Variants in HEPHL1 observed in about 807,000 individuals in gnomAD.
HEPHL1 encodes the protein hephaestin like 1.
HEPHL1 carries 123 observed loss-of-function variants against 122.0 expected under a neutral mutation model. The observed-to-expected ratio is 1.01, with a 90% CI of 0.87 to 1.17. The LOEUF is 1.17. HEPHL1 is among the 50% of genes most tolerant of loss of function. The pLI is 0.00. For synonymous variants in HEPHL1, 527 were observed against 508.9 expected (o/e 1.04, Z -0.48); for missense variants, 1,452 against 1,430.5 (o/e 1.01, Z -0.24).
chr11:94,082,910 G>A (rs1475920738), intron 10 of HEPHL1, among the ~76,000 whole-genome samples: 1 of 152,028 alleles, frequency 6.6e-6, no homozygotes, highest in East Asian at 1.9e-4. Flanking sequence ...CCAATATGGT[G>A]AAACCCCGTC....
chr11:94,077,825 G>T (rs1946138740), intron 9 of HEPHL1, among the ~76,000 whole-genome samples: 1 of 152,146 alleles, frequency 6.6e-6, no homozygotes, highest in South Asian at 2.1e-4. Context: ...GCTTGTCTTT[G>T]GCTTTGGGCC....
chr11:94,075,093 A>G (rs1946108895), intron 8 of HEPHL1, 81 bp from the exon 9 acceptor site: 1 of 1,220,366 alleles, frequency 8.2e-7, no homozygotes, highest in South Asian at 1.4e-5. Context: ...AGAGGGAGGC[A>G]CCCAGGGCTG....
intron 10 of HEPHL1, 139 bp from the exon 11 acceptor site, chr11:94,085,838 A>G (rs906834575): frequency 3.2e-6 from 2 of 615,594 alleles, no homozygotes; most frequent in Non-Finnish European, 5.8e-6. Context: ...CTCCATTTTA[A>G]GTGGATTCAC....
intron 17 of HEPHL1, among the ~76,000 whole-genome samples, chr11:94,107,674 A>G (rs2134455070): frequency 6.6e-6 from 1 of 152,356 alleles, no homozygotes; most frequent in South Asian, 2.1e-4. Context: ...GTTTGATTTA[A>G]CATAGGCATT....
chr11:94,032,759 A>C (rs530219550), intron 1 of HEPHL1, among the ~76,000 whole-genome samples: 6 of 152,274 alleles, frequency 3.9e-5, no homozygotes, highest in African/African-American at 1.4e-4. Flanking sequence ...CAGTCTCCCT[A>C]TAGATAGAAA....
rs570515534 is a variant in HEPHL1 at position 94,093,764 on chromosome 11, C to T, written c.2434+124C>T. The T allele has an allele frequency of 9.2e-6, 10 of 1,088,160 alleles. No individual in the cohort carries two copies. In the South Asian group the frequency reaches 1.3e-4, roughly 15 times the overall value. 67.4% of individuals were successfully genotyped at this position (1,088,160 alleles called of 1,614,324 possible). On this transcript the variant is annotated intron_variant, in intron 13 of 19. Transcript: ENST00000315765. ...GAAACAGAGTAGCTTGACTGCATTC[C>T]TCCAAGTGTAATATCTTCCTGCTCT...
intron 1 of HEPHL1, among the ~76,000 whole-genome samples, chr11:94,022,130 C>T (rs978515132): frequency 1.3e-5 from 2 of 152,150 alleles, no homozygotes; most frequent in African/African-American, 4.8e-5. Flanking sequence ...TATCTTATCC[C>T]AGAACCTATA....
chr11:94,035,999 G>A (rs928002875), intron 1 of HEPHL1, among the ~76,000 whole-genome samples: 4 of 152,204 alleles, frequency 2.6e-5, no homozygotes, highest in Non-Finnish European at 4.4e-5. Context: ...GCCTCCCAAA[G>A]TGCTGGGATT....
chr11:94,039,566 C>A (rs1336433514), intron 1 of HEPHL1, among the ~76,000 whole-genome samples: 4 of 151,698 alleles, frequency 2.6e-5, no homozygotes, highest in Non-Finnish European at 1.5e-5. Flanking sequence ...GATTAAGAAT[C>A]TCACTCAAAG....
At chr11:94,088,551 C>T (rs1946236562) in intron 11 of HEPHL1, among the ~76,000 whole-genome samples, 1 of 152,124 alleles carries the variant, frequency 6.6e-6, no homozygotes, top group Admixed American at 6.5e-5. Flanking sequence ...GAATTTTGGA[C>T]AGTATCTTTC....
intron 12 of HEPHL1, among the ~76,000 whole-genome samples, chr11:94,092,259 G>C (rs191908408): frequency 6.6e-6 from 1 of 152,330 alleles, no homozygotes; most frequent in South Asian, 2.1e-4. Flanking sequence ...CTTGGTAATA[G>C]ATGAAATGTA....
rs915209449 is a variant in HEPHL1 at position 94,061,684 on chromosome 11, T to C, written c.416-1824T>C. 3.3e-5 allele frequency among the ~76,000 whole-genome samples: 5 copies of C among 152,288 alleles called. No homozygotes were observed. In the East Asian group the frequency reaches 7.7e-4, roughly 23 times the overall value. ...TTAATTTAACTTTGAGTACAAATGA[T>C]TCTGTCAAAATACTATTGAGTATTA... On this transcript the variant is annotated intron_variant, in intron 2 of 19. Transcript: ENST00000315765.
At position 94,045,873 on chromosome 11, in the gene HEPHL1, A is replaced by ACT; in HGVS notation, c.376_377dup (p.His127CysfsTer43). On this transcript the variant is annotated frameshift_variant, in exon 2 of 20. Coordinates refer to ENST00000315765, the MANE Select transcript of HEPHL1 (RefSeq NM_001098672.2). LOFTEE classifies it high-confidence loss of function. ...TTAAAGAACTTTGCTTCTCGACCTT[A>ACT]CTCTCTGCATCCACATGGCGTTTTC... 1 of 1,613,634 alleles carries ACT rather than the reference A, an allele frequency of 6.2e-7. No individual in the cohort carries two copies. Among genetic ancestry groups the ACT allele is most frequent in the East Asian group, 2.2e-5 (1 of 44,862 alleles).
At chr11:94,091,383 G>A (rs1418799548) in intron 12 of HEPHL1, among the ~76,000 whole-genome samples, 1 of 152,188 alleles carries the variant, frequency 6.6e-6, no homozygotes, top group Admixed American at 6.5e-5. Context: ...AGAAAGCTGG[G>A]AAACGGTGGA....
intron 6 of HEPHL1, among the ~76,000 whole-genome samples, chr11:94,071,196 T>A (rs1946071254): frequency 6.6e-6 from 1 of 152,168 alleles, no homozygotes; most frequent in Non-Finnish European, 1.5e-5. Flanking sequence ...TAGTATATAA[T>A]CATATGCAAA....
At chr11:94,025,560 C>A (rs1386868984) in intron 1 of HEPHL1, among the ~76,000 whole-genome samples, 1 of 152,134 alleles carries the variant, frequency 6.6e-6, no homozygotes, top group Non-Finnish European at 1.5e-5. Flanking sequence ...ATGGGTGGAA[C>A]TGCGCTTGAA....
At position 94,104,683 on chromosome 11, in the gene HEPHL1, G is replaced by A; in HGVS notation, c.2838G>A (p.Lys946=). Residue 946 remains lysine, a synonymous_variant, in exon 16 of 20, where the codon AAG becomes AAA. Transcript: ENST00000315765. The stretch of plus-strand genomic sequence containing the variant: ...GGTATCTGGATGACAATATTAAGAA[G>A]TATCTCAACAAAGATCCACGAGATT... ...ESWYLDDNIK[K]YLNKDPRDFK... is the part of the protein sequence containing the mutation. The A allele has an allele frequency of 6.2e-7, 1 of 1,613,874 alleles. No individual in the cohort carries two copies. The highest frequency in any genetic ancestry group is 1.7e-5 in the Admixed American group (1 of 60,018).
intron 9 of HEPHL1, among the ~76,000 whole-genome samples, chr11:94,077,073 ATC>A (rs1565356119): frequency 6.6e-6 from 1 of 152,168 alleles, no homozygotes; most frequent in Non-Finnish European, 1.5e-5. Context: ...CTTTATTATT[ATC>A]TCTCTTTGTT....
rs147807458 is a variant in HEPHL1 at position 94,032,450 on chromosome 11, C to A, written c.170+10912C>A. Among the ~76,000 whole-genome samples, 602 of 152,280 alleles carry A rather than the reference C, an allele frequency of 4.0e-3. 3 individuals are homozygous for A. Among genetic ancestry groups the A allele is most frequent in the African/African-American group, 0.014 (578 of 41,556 alleles). On this transcript the variant is annotated intron_variant, in intron 1 of 19. Transcript: ENST00000315765. The stretch of plus-strand genomic sequence containing the variant: ...TTAGCTTGACTTTTAAACCTTGCTG[C>A]GCTCTCTTTAAATTATTTTCTTTTT...
Sources: allele counts gnomAD v4.1 joint callset (sites outside exome capture counted in the v4.1 genomes callset), GRCh38; gene constraint gnomAD v4.1.1; transcripts MANE v1.5; gene names NCBI Gene and HGNC (gene_info 2026-07-23, HGNC 2026-07-21).